CSMD3: variants seen among roughly 807,000 people sequenced by gnomAD.
CSMD3 encodes CUB and Sushi multiple domains 3, also known as CUB and sushi domain-containing protein 3.
A neutral mutation model predicts 435.2 loss-of-function variants in CSMD3; 177 were observed. The observed-to-expected ratio is 0.41, with a 90% confidence interval of 0.36 to 0.46. CSMD3 has a LOEUF of 0.46. Ranked by LOEUF, CSMD3 falls within the 20% of genes least tolerant of loss-of-function variation. The probability of loss-of-function intolerance (pLI) is 0.34; values close to 1 mark genes in which losing one functional copy is unlikely to be tolerated. For synonymous variants in CSMD3, 1,656 were observed against 1,520.5 expected (o/e 1.09, Z -2.07); for missense variants, 4,265 against 4,504.6 (o/e 0.95, Z 1.52).
intron 57 of CSMD3, 107 bp from the exon 58 acceptor site, chr8:112,287,353 T>A: frequency 1.0e-6 from 1 of 954,208 alleles, no homozygotes. Context: ...TGCGGTGTTT[T>A]AGCACAGATG....
At chr8:112,375,163 TTTGA>T (rs1387489849) in intron 38 of CSMD3, among the ~76,000 whole-genome samples, 1 of 152,160 alleles carries the variant, frequency 6.6e-6, no homozygotes, top group African/African-American at 2.4e-5. Flanking sequence ...AGTGGCTTTC[TTTGA>T]TTGCTTGTTT....
intron 13 of CSMD3, among the ~76,000 whole-genome samples, chr8:112,792,584 T>G (rs1390472445): frequency 6.6e-6 from 1 of 152,164 alleles, no homozygotes; most frequent in Non-Finnish European, 1.5e-5. Context: ...TCATAACAGA[T>G]AGCATGCTTT....
At chr8:112,408,243 A>T in intron 34 of CSMD3, 75 bp downstream of exon 34, 1 of 967,642 alleles carries the variant, frequency 1.0e-6, no homozygotes, top group South Asian at 1.3e-5. Context: ...GGATTTCATC[A>T]TTCAAAAACT....
chr8:112,684,462 T>G (rs1408421391), intron 15 of CSMD3, among the ~76,000 whole-genome samples: 1 of 152,068 alleles, frequency 6.6e-6, no homozygotes, highest in Non-Finnish European at 1.5e-5. Flanking sequence ...AGCTGGAAAC[T>G]AAATCCTTTT....
In CSMD3 at chr8:112,854,012, A is replaced by G. The variant is rs1167976676; in HGVS notation, c.1755+5133T>C. Among the ~76,000 whole-genome samples the G allele has an allele frequency of 2.6e-5, 4 of 152,164 alleles. No individual in the cohort carries two copies. In the South Asian group the frequency reaches 8.3e-4, roughly 31 times the overall value. Reference sequence around the variant, plus strand: ...ACCAGGTCTAGACTGTTTTTACTGCAAGCTCTTAGGTTCTGGTAATACCAC... The same window carrying G: ...ACCAGGTCTAGACTGTTTTTACTGCGAGCTCTTAGGTTCTGGTAATACCAC... On this transcript the variant is annotated intron_variant, in intron 11 of 70. Transcript: ENST00000297405.
chr8:113,212,834 A>C (rs371709500), intron 3 of CSMD3, among the ~76,000 whole-genome samples: 1 of 151,512 alleles, frequency 6.6e-6, no homozygotes. Flanking sequence ...ACATGTATAC[A>C]TATGTAACTA....
intron 27 of CSMD3, among the ~76,000 whole-genome samples, chr8:112,544,272 G>T (rs1480561696): frequency 6.6e-6 from 1 of 152,070 alleles, no homozygotes; most frequent in Non-Finnish European, 1.5e-5. Context: ...TGTGGCTGTT[G>T]AAGATAGGTA....
At chr8:113,176,900 A>G in intron 3 of CSMD3, among the ~76,000 whole-genome samples, 1 of 152,008 alleles carries the variant, frequency 6.6e-6, no homozygotes, top group Non-Finnish European at 1.5e-5. Flanking sequence ...CAAACTTAAA[A>G]AAAAAAATAA....
Position 113,335,562 on chromosome 8 carries a change from TG to T in CSMD3, c.179-20770del, listed in dbSNP as rs1478948850. On this transcript the variant is annotated intron_variant, in intron 1 of 70. Transcript: ENST00000297405. ...CTTTTTTTTTTTTTTTTTTTTTTTT[TG>T]GGTATTTACATGAAACCTTAGATTG... is the stretch of plus-strand genomic sequence containing the variant. Among the ~76,000 whole-genome samples the T allele has an allele frequency of 1.5e-3, 211 of 139,270 alleles. 23 individuals carry two copies. The highest frequency in any genetic ancestry group is 4.4e-3 in the African/African-American group (162 of 36,632). The allele number at this position is 139,270 out of a possible 152,430, so 91.4% of individuals were successfully genotyped here.
intron 1 of CSMD3, among the ~76,000 whole-genome samples, chr8:113,329,949 C>A (rs1488193877): frequency 6.6e-6 from 1 of 151,958 alleles, no homozygotes; most frequent in Non-Finnish European, 1.5e-5. Context: ...AAAATGAGTC[C>A]TTTGGGCTGA....
chr8:112,855,831 T>C (rs947167782), intron 11 of CSMD3, among the ~76,000 whole-genome samples: 28 of 149,626 alleles, frequency 1.9e-4, no homozygotes, highest in Admixed American at 1.4e-3. Flanking sequence ...TTTTTCTTTG[T>C]CTCAAGATCT....
At chr8:112,762,885 A>G (rs767988934) in intron 13 of CSMD3, among the ~76,000 whole-genome samples, 1 of 151,806 alleles carries the variant, frequency 6.6e-6, no homozygotes, top group African/African-American at 2.4e-5. Context: ...GCATAGTGGT[A>G]ACCAGATGCT....
chr8:112,251,502 A>AT (rs927074251), intron 63 of CSMD3, among the ~76,000 whole-genome samples: 20 of 150,758 alleles, frequency 1.3e-4, no homozygotes, highest in South Asian at 6.3e-4. Context: ...ATTGAAAGTA[A>AT]TTTTTTTTTA....
At chr8:112,310,919 G>T in intron 50 of CSMD3, 59 bp downstream of exon 50, 1 of 1,407,246 alleles carries the variant, frequency 7.1e-7, no homozygotes, top group Non-Finnish European at 1.0e-6. Flanking sequence ...AAATAAAAAC[G>T]TTAAATGGTG....
intron 24 of CSMD3, among the ~76,000 whole-genome samples, chr8:112,557,993 C>T (rs1443258416): frequency 6.6e-6 from 1 of 151,788 alleles, no homozygotes; most frequent in African/African-American, 2.4e-5. Context: ...ATATTAACTG[C>T]AAGTAGTGTT....
chr8:112,235,256 C>A (rs1007708611), intron 67 of CSMD3, among the ~76,000 whole-genome samples: 2 of 152,002 alleles, frequency 1.3e-5, no homozygotes, highest in African/African-American at 4.8e-5. Flanking sequence ...TGGTGGCACG[C>A]ACCTGTAGTC....
chr8:112,632,159 A>C (rs754426970), intron 22 of CSMD3, among the ~76,000 whole-genome samples: 6 of 152,034 alleles, frequency 3.9e-5, no homozygotes, highest in Non-Finnish European at 7.4e-5. Context: ...ATTTTGGAAT[A>C]GTTTTAGGTT....
At chr8:112,754,734 A>T (rs1325454770) in intron 13 of CSMD3, among the ~76,000 whole-genome samples, 3 of 152,096 alleles carry the variant, frequency 2.0e-5, no homozygotes, top group Admixed American at 2.0e-4. Context: ...CCTCTGGCAA[A>T]CCTCTGAAAT....
At chr8:113,041,414 C>T (rs568266379) in intron 5 of CSMD3, among the ~76,000 whole-genome samples, 1 of 152,054 alleles carries the variant, frequency 6.6e-6, no homozygotes, top group Admixed American at 6.5e-5. Flanking sequence ...ATTGTGCTGC[C>T]CTCACATTGG....
Sources: gnomAD v4.1 joint callset for allele counts (sites outside exome capture counted in the v4.1 genomes callset) on GRCh38, gnomAD v4.1.1 for gene constraint, MANE v1.5 for transcripts, NCBI Gene and HGNC (gene_info 2026-07-23, HGNC 2026-07-21) for gene names.